Variants in STARD10 observed in about 807,000 individuals in gnomAD.
STARD10 encodes the protein START domain-containing protein 10.
STARD10 carries 24 observed loss-of-function variants against 36.0 expected under a neutral mutation model. The ratio of observed to expected loss-of-function variants is 0.67; its 90% CI spans 0.48 to 0.94. The LOEUF (loss-of-function observed/expected upper bound fraction) is 0.94, where lower values mean the gene tolerates loss of function less well. Among genes scored for constraint, STARD10 ranks in the 40% least tolerant of loss-of-function variants. STARD10 has a pLI of 0.00. For synonymous variants in STARD10, 156 were observed against 161.9 expected (o/e 0.96, Z 0.28); for missense variants, 335 against 396.6 (o/e 0.84, Z 1.32).
chr11:72,758,460 G>A, intron 4 of STARD10, 70 bp downstream of exon 4: 1 of 1,268,166 alleles, frequency 7.9e-7, no homozygotes, highest in Admixed American at 1.8e-5. Flanking sequence ...TGAAGTCATG[G>A]TGGCAGCCTC....
Position 72,758,579 on chromosome 11 carries a change from A to T in STARD10, c.410T>A (p.Leu137His). The T allele has an allele frequency of 6.2e-7, 1 of 1,614,052 alleles. No individual in the cohort carries two copies. The highest frequency in any genetic ancestry group is 8.5e-7 in the Non-Finnish European group (1 of 1,180,008). ...AATGATGTAATCAGCGCCCATGGGG[A>T]GCCAGGAGCGGAGGGTGATGACATC... is the stretch of plus-strand genomic sequence containing the variant. ...NRDVITLRSW[L>H]PMGADYIIMN... Residue 137 changes from leucine to histidine, a missense_variant, in exon 4 of 7, where the codon CTC (leucine) becomes CAC (histidine). Physicochemically the swap from Leu to His is moderately conservative, Grantham distance 99. Transcript: ENST00000334805.
chr11:72,774,665 CG>C (rs954495344), intron 2 of STARD10, among the ~76,000 whole-genome samples: 6 of 152,186 alleles, frequency 3.9e-5, no homozygotes, highest in African/African-American at 7.2e-5. Context: ...GGTGAGGGAT[CG>C]GGGCTGAAAT....
chr11:72,775,062 C>T (rs1259459706), intron 2 of STARD10, among the ~76,000 whole-genome samples: 1 of 152,222 alleles, frequency 6.6e-6, no homozygotes, highest in Non-Finnish European at 1.5e-5. Context: ...GCACCCTCCA[C>T]TCCACTCTGG....
At chr11:72,777,254 G>C (rs1858939482) in intron 2 of STARD10, among the ~76,000 whole-genome samples, 1 of 152,262 alleles carries the variant, frequency 6.6e-6, no homozygotes, top group South Asian at 2.1e-4. Flanking sequence ...CCAGGCCAGG[G>C]CCTCACAGGC....
intron 2 of STARD10, among the ~76,000 whole-genome samples, chr11:72,764,573 C>A (rs969586054): frequency 6.6e-6 from 1 of 152,238 alleles, no homozygotes; most frequent in East Asian, 1.9e-4. Context: ...TGGCCTGGCT[C>A]GTGCCCTTTC....
intron 6 of STARD10, 31 bp downstream of exon 6, chr11:72,755,670 C>G: frequency 6.2e-7 from 1 of 1,612,506 alleles, no homozygotes; most frequent in East Asian, 2.2e-5. Flanking sequence ...CAGTCTTCAA[C>G]ACCCCTCCCC....
At chr11:72,772,529 G>C (rs1052316657) in intron 2 of STARD10, among the ~76,000 whole-genome samples, 3 of 152,150 alleles carry the variant, frequency 2.0e-5, no homozygotes, top group African/African-American at 7.2e-5. Context: ...GCCCAGACAG[G>C]CCTCACCATC....
intron 2 of STARD10, among the ~76,000 whole-genome samples, chr11:72,768,914 G>A (rs1214423385): frequency 1.3e-5 from 2 of 152,242 alleles, no homozygotes; most frequent in Non-Finnish European, 2.9e-5. Context: ...AAGAGGCTGA[G>A]CCTGTGTGGG....
chr11:72,761,215 T>C (rs919219932), intron 2 of STARD10, among the ~76,000 whole-genome samples: 1 of 151,980 alleles, frequency 6.6e-6, no homozygotes. Context: ...AGCCAGACAG[T>C]GAATCATTCC....
Position 72,758,639 on chromosome 11 carries a change from G to GGACACCTTCA in STARD10, c.356-7_356-6insTGAAGGTGTC, listed in dbSNP as rs1315867201. The GGACACCTTCA allele has an allele frequency of 3.7e-6, 6 of 1,608,014 alleles. No individual in the cohort carries two copies. Among genetic ancestry groups the GGACACCTTCA allele is most frequent in the Non-Finnish European group, 5.1e-6 (6 of 1,175,414 alleles). On this transcript the variant is annotated splice_polypyrimidine_tract_variant and splice_region_variant and intron_variant, in intron 3 of 6. Transcript: ENST00000334805. Reference sequence around the variant, plus strand: ...CAGGGGCTTGGGACACCTCCCTGTGGGGGGCAAGGGACAGTTCAGCCAGAC... The same window carrying GGACACCTTCA: ...CAGGGGCTTGGGACACCTCCCTGTGGGACACCTTCAGGGGCAAGGGACAGTTCAGCCAGAC...
chr11:72,777,380 C>G (rs1858940618), intron 2 of STARD10, among the ~76,000 whole-genome samples: 1 of 152,272 alleles, frequency 6.6e-6, no homozygotes, highest in Admixed American at 6.5e-5. Context: ...CAGAGAGGGG[C>G]AGGAATGTGC....
rs768965794 is a variant in STARD10, at chr11:72,780,978, G to T, written c.204C>A (p.Ile68=). 1.2e-6 allele frequency: 2 copies of T among 1,614,134 alleles called. No homozygotes were observed. Among genetic ancestry groups the T allele is most frequent in the Non-Finnish European group, 1.7e-6 (2 of 1,179,982 alleles). Residue 68 remains isoleucine (I), a synonymous_variant, in exon 2 of 7, where the codon ATC becomes ATA. Transcript: ENST00000334805. ...CAGGTATAGCGGGCAACCCTACCTT[G>T]ATCTTGTGCAGCGTCCGATCCATCT... The part of the protein sequence containing the change: ...AVEMDRTLHK[I]KCRMECCDVP...
At chr11:72,772,946 C>T (rs993242612) in intron 2 of STARD10, among the ~76,000 whole-genome samples, 2 of 152,150 alleles carry the variant, frequency 1.3e-5, no homozygotes, top group African/African-American at 4.8e-5. Context: ...TGTCTCTGTC[C>T]CCACACTGCT....
intron 3 of STARD10, 170 bp downstream of exon 3, chr11:72,759,064 G>A (rs1858684035): frequency 1.4e-6 from 1 of 695,826 alleles, no homozygotes; most frequent in Non-Finnish European, 2.4e-6. Flanking sequence ...ATGGGTGTGT[G>A]CCTAAGGGTC....
Position 72,781,434 on chromosome 11 carries a change from T to A in STARD10, c.-113-140A>T. On this transcript the variant is annotated intron_variant, in intron 1 of 6. Coordinates refer to ENST00000334805, the MANE Select transcript of STARD10 (RefSeq NM_006645.3). The surrounding 1 kb of genome is among the most constrained non-coding windows in gnomAD (Gnocchi z 4.7). ...GGACGGGCGCTGGACAGCCTCGGGG[T>A]CCCCCTCCCGAGGAGCGCCCCAGAC... 2 of 496,336 alleles carry A rather than the reference T, an allele frequency of 4.0e-6. No individual in the cohort carries two copies. The highest frequency in any genetic ancestry group is 7.3e-6 in the Non-Finnish European group (2 of 273,060). 30.7% of individuals were successfully genotyped at this position (496,336 alleles called of 1,614,324 possible). A position where few individuals can be genotyped will look rare whatever the true frequency, so the allele number is the denominator to read the frequency against.
intron 2 of STARD10, among the ~76,000 whole-genome samples, chr11:72,772,268 C>T (rs1195619128): frequency 3.4e-5 from 5 of 146,216 alleles, no homozygotes; most frequent in South Asian, 2.2e-4. Flanking sequence ...ATAGTGGGCA[C>T]GGTTCTCCCT....
chr11:72,782,703 TC>T (rs1415911269), intron 1 of STARD10, among the ~76,000 whole-genome samples: 2 of 152,160 alleles, frequency 1.3e-5, no homozygotes, highest in African/African-American at 4.8e-5. Flanking sequence ...GCACCAGCGC[TC>T]CTGCCATCCC....
chr11:72,789,620 G>A (rs191950938), intron 1 of STARD10, among the ~76,000 whole-genome samples: 4 of 152,366 alleles, frequency 2.6e-5, no homozygotes, highest in Admixed American at 2.0e-4. Context: ...AGGGCAGCAT[G>A]GCACTGAGAG....
intron 2 of STARD10, among the ~76,000 whole-genome samples, chr11:72,768,703 T>A (rs1329925122): frequency 1.3e-5 from 2 of 152,252 alleles, no homozygotes; most frequent in Admixed American, 6.5e-5. Flanking sequence ...CTCTCCAGTA[T>A]GGGCTGGAGG....
Sources: allele counts gnomAD v4.1 joint callset (sites outside exome capture counted in the v4.1 genomes callset), GRCh38; gene constraint gnomAD v4.1.1; non-coding constraint Gnocchi (gnomAD v3.1); transcripts MANE v1.5; gene names NCBI Gene and HGNC (gene_info 2026-07-23, HGNC 2026-07-21).